The following CHRNG variants were observed in gnomAD, a reference collection of about 807,000 sequenced individuals.
The protein encoded by CHRNG is acetylcholine receptor subunit gamma.
Under a neutral mutation model 65.2 loss-of-function variants are expected in CHRNG, and 72 were observed. That is an observed-to-expected ratio of 1.10 (90% confidence interval 0.91 to 1.34). The LOEUF (loss-of-function observed/expected upper bound fraction) is 1.34. Among genes scored for constraint, CHRNG ranks in the 40% most tolerant of loss-of-function variants. CHRNG has a pLI of 0.00. For missense variants in CHRNG, 637 were observed against 680.1 expected, an observed-to-expected ratio of 0.94 and a Z score of 0.70; for synonymous variants, 284 against 290.2, an observed-to-expected ratio of 0.98 and a Z score of 0.22.
intron 8 of CHRNG, 51 bp downstream of exon 8, chr2:232,543,440 A>G (rs533182883): frequency 7.1e-6 from 10 of 1,402,634 alleles, no homozygotes; most frequent in Non-Finnish European, 8.1e-6. Context: ...CCTTCTTGGG[A>G]GCATGATGGC....
rs1029560657 is a variant in CHRNG at position 232,542,539 on chromosome 2, C to T, written c.604+19C>T. ...TTCACAGGTAACCCCCACCCAAGGGCTCCCCAGGCAGCCTCATCCAGGGCT... is the reference window on the plus strand; with the variant it reads ...TTCACAGGTAACCCCCACCCAAGGGTTCCCCAGGCAGCCTCATCCAGGGCT... On this transcript the variant is annotated intron_variant, in intron 6 of 11. Transcript: ENST00000651502. 6 of 1,565,642 alleles carry T rather than the reference C, an allele frequency of 3.8e-6. No homozygotes were observed. In the African/African-American group the frequency reaches 5.4e-5, roughly 14 times the overall value.
At chr2:232,545,027 T>C in intron 11 of CHRNG, 125 bp downstream of exon 11, 1 of 1,225,566 alleles carries the variant, frequency 8.2e-7, no homozygotes, top group Non-Finnish European at 1.2e-6. Flanking sequence ...CCGGGTGCAG[T>C]GGGTCACACC....
Position 232,544,542 on chromosome 2 carries a change from A to G in CHRNG, c.1211A>G (p.Gln404Arg). The stretch of plus-strand genomic sequence containing the variant: ...AGTGAACTCCTCTTCCAGCAGTGGC[A>G]GCGGCAAGGGCTGGTGGCGGCAGCG... Reference protein sequence around the residue: ...PRSELLFQQWQRQGLVAAALE... With the variant: ...PRSELLFQQWRRQGLVAAALE... Residue 404 changes from glutamine (Q) to arginine (R), a missense_variant, in exon 10 of 12, where the codon CAG (glutamine) becomes CGG (arginine). Transcript: ENST00000651502. The G allele has an allele frequency of 5.6e-6, 9 of 1,613,760 alleles. No individual in the cohort carries two copies. The highest frequency in any genetic ancestry group is 6.8e-6 in the Non-Finnish European group (8 of 1,179,952).
In CHRNG at chr2:232,544,496, G is replaced by A. The variant is rs889638118; in HGVS notation, c.1165G>A (p.Val389Met). ...ATGGTCGATCACAACTGGGGAGGAG[G>A]TGGCCCTCTGCCTGCCTCGCAGTGA... ...SGWSITTGEEVALCLPRSELL... is the reference protein window; with the variant it reads ...SGWSITTGEEMALCLPRSELL... Residue 389 changes from valine to methionine, a missense_variant, in exon 10 of 12, where the codon GTG (valine) becomes ATG (methionine). Coordinates refer to ENST00000651502, the MANE Select transcript of CHRNG (RefSeq NM_005199.5). 6.2e-7 allele frequency: 1 copy of A among 1,613,854 alleles called. No homozygotes were observed. Among genetic ancestry groups the A allele is most frequent in the Non-Finnish European group, 8.5e-7 (1 of 1,179,994 alleles).
Position 232,545,725 on chromosome 2 carries a change from A to G in CHRNG, c.*9A>G. The G allele has an allele frequency of 6.2e-7, 1 of 1,613,790 alleles. No individual in the cohort carries two copies. ...TGCCCTCACCAGACTGAGCCAACCA[A>G]CCACTGTGGGGCATGTGGGAGTCAC... is the stretch of plus-strand genomic sequence containing the variant. On this transcript the variant is annotated 3_prime_UTR_variant, in exon 12 of 12. Coordinates refer to ENST00000651502, the MANE Select transcript of CHRNG (RefSeq NM_005199.5).
In CHRNG at chr2:232,544,931, G is replaced by A. The variant is rs773786989; in HGVS notation, c.1380+29G>A. 1.4e-5 allele frequency: 22 copies of A among 1,613,404 alleles called. No homozygotes were observed. In the East Asian group the frequency reaches 4.7e-4, roughly 34 times the overall value. ...AGCTGAGTCAGGGTGGGGTGGAGGT[G>A]GAGTGAGTACCTGGGCTTGGAACCG... On this transcript the variant is annotated intron_variant, in intron 11 of 11. Transcript: ENST00000651502.
In CHRNG at chr2:232,543,590, T is replaced by C. The variant is rs1485125032; in HGVS notation, c.926T>C (p.Leu309Pro). The change falls in exon 9 of 12, where the codon CTG becomes CCG. Residue 309 changes from leucine (L) to proline (P), a missense_variant. Transcript: ENST00000651502. ...SQAVPLISKYLTFLLVVTILI... is the reference protein window; with the variant it reads ...SQAVPLISKYPTFLLVVTILI... The stretch of plus-strand genomic sequence containing the variant: ...TGCCCACCCCACCCTGACAGGTACC[T>C]GACCTTCCTCCTGGTGGTGACCATC... 1.2e-6 allele frequency: 2 copies of C among 1,606,396 alleles called. No individual in the cohort carries two copies. The highest frequency in any genetic ancestry group is 3.3e-5 in the Admixed American group (2 of 59,956).
intron 9 of CHRNG, 123 bp downstream of exon 9, chr2:232,543,822 C>T (rs888243129): frequency 2.0e-5 from 14 of 711,874 alleles, no homozygotes; most frequent in South Asian, 1.3e-4. Flanking sequence ...CGTATCTGGA[C>T]GCATGGACCA....
Position 232,544,761 on chromosome 2 carries a change from C to G in CHRNG, c.1250-11C>G. 3.1e-6 allele frequency: 5 copies of G among 1,613,948 alleles called. No individual in the cohort carries two copies. The highest frequency in any genetic ancestry group is 4.2e-6 in the Non-Finnish European group (5 of 1,179,996). On this transcript the variant is annotated splice_polypyrimidine_tract_variant and intron_variant, in intron 10 of 11. Coordinates refer to ENST00000651502, the MANE Select transcript of CHRNG (RefSeq NM_005199.5). Reference sequence around the variant, plus strand: ...ATTCTACTCCCAAACCTTACCCTTTCTCTTTATCAGAGAAAGGCCCGGAGT... The same window carrying G: ...ATTCTACTCCCAAACCTTACCCTTTGTCTTTATCAGAGAAAGGCCCGGAGT...
rs755877866 is a variant in CHRNG, at chr2:232,540,160, C to G, written c.195+29C>G. 6.2e-7 allele frequency: 1 copy of G among 1,614,114 alleles called. No homozygotes were observed. Among genetic ancestry groups the G allele is most frequent in the South Asian group, 1.1e-5 (1 of 91,080 alleles). ...AGCCGCAGGACGGAGGAGGGGTCAGCGCACCACGCCCTGGGACCTGCTGGG... is the reference window on the plus strand; with the variant it reads ...AGCCGCAGGACGGAGGAGGGGTCAGGGCACCACGCCCTGGGACCTGCTGGG... On this transcript the variant is annotated intron_variant, in intron 2 of 11. Transcript: ENST00000651502. This position sits in a 1 kb window ranked among gnomAD's most constrained non-coding sequence, Gnocchi z 4.2.
rs1193017519 is a variant in CHRNG, at chr2:232,540,238, C to A, written c.195+107C>A. The A allele has an allele frequency of 6.2e-7, 1 of 1,603,594 alleles. No individual in the cohort carries two copies. Among genetic ancestry groups the A allele is most frequent in the Non-Finnish European group, 8.5e-7 (1 of 1,171,280 alleles). ...AGAGGTTGGAGGGCCCTAAATCGGA[C>A]AGGCTGGGGTCTGGAAAACCCCCAT... is the stretch of plus-strand genomic sequence containing the variant. On this transcript the variant is annotated intron_variant, in intron 2 of 11. Coordinates refer to ENST00000651502, the MANE Select transcript of CHRNG (RefSeq NM_005199.5). The surrounding 1 kb of genome is among the most constrained non-coding windows in gnomAD (Gnocchi z 4.2).
rs750873458 is a variant in CHRNG at position 232,542,939 on chromosome 2, C to T, written c.662C>T (p.Ala221Val). 3.3e-5 allele frequency: 54 copies of T among 1,614,022 alleles called. No individual in the cohort carries two copies. Among genetic ancestry groups the T allele is most frequent in the South Asian group, 7.7e-5 (7 of 91,082 alleles). Residue 221 changes from alanine to valine, a missense_variant, in exon 7 of 12, where the codon GCG becomes GTG. Physicochemically the swap from Ala to Val is moderately conservative, Grantham distance 64. Coordinates refer to ENST00000651502, the MANE Select transcript of CHRNG (RefSeq NM_005199.5). ...GCCAAGATGCTCCTGGACCCAGCGGCGCCAGCCCAGGAAGCAGGCCACCAG... is the reference window on the plus strand; with the variant it reads ...GCCAAGATGCTCCTGGACCCAGCGGTGCCAGCCCAGGAAGCAGGCCACCAG... ...RPAKMLLDPA[A>V]PAQEAGHQKV...
chr2:232,540,420 G>A lies in CHRNG; in HGVS notation c.235G>A (p.Glu79Lys). Residue 79 changes from glutamate to lysine, a missense_variant, in exon 3 of 12, where the codon GAG becomes AAG. Glu to Lys is a moderately conservative substitution (Grantham distance 56). Transcript: ENST00000651502. The surrounding 1 kb of genome is among the most constrained non-coding windows in gnomAD (Gnocchi z 4.2). ...AGCCCTCACCACCAATGTCTGGATA[G>A]AGATGGTAAGAGGCCACCCTGCCAC... The part of the protein sequence containing the change: ...EEALTTNVWI[E>K]MQWCDYRLRW... 3 of 1,613,994 alleles carry A rather than the reference G, an allele frequency of 1.9e-6. No homozygotes were observed. The highest frequency in any genetic ancestry group is 1.6e-4 in the Middle Eastern group (1 of 6,062).
intron 7 of CHRNG, 59 bp from the exon 8 acceptor site, chr2:232,543,216 G>T: frequency 6.5e-7 from 1 of 1,537,360 alleles, no homozygotes; most frequent in Non-Finnish European, 9.0e-7. Flanking sequence ...GGGGTAAGGG[G>T]TTCCTCTGTG....
In CHRNG at chr2:232,543,284, A is replaced by G; in HGVS notation, c.815A>G (p.Gln272Arg). 1.9e-6 allele frequency: 3 copies of G among 1,613,928 alleles called. No homozygotes were observed. Among genetic ancestry groups the G allele is most frequent in the South Asian group, 1.1e-5 (1 of 91,070 alleles). ...IHFLPAKAGG[Q>R]KCTVAINVLL... ...TCTCGGTCATGGATAGCTGGGGGCC[A>G]GAAGTGTACCGTCGCCATCAACGTG... Residue 272 changes from glutamine to arginine, a missense_variant, in exon 8 of 12, where the codon CAG becomes CGG. By Grantham distance (43) the Gln-to-Arg change is conservative (BLOSUM62 1). Coordinates refer to ENST00000651502, the MANE Select transcript of CHRNG (RefSeq NM_005199.5).
At position 232,543,480 on chromosome 2, in the gene CHRNG, A is replaced by ACAC; in HGVS notation, c.920+92_920+93insACC. ...TGCATTGCCCTCTTGCCCTCCATCCACCCCCCCCATCCTCAATTCAGGAGG... is the reference window on the plus strand; with the variant it reads ...TGCATTGCCCTCTTGCCCTCCATCCACACCCCCCCCCATCCTCAATTCAGGAGG... On this transcript the variant is annotated intron_variant, in intron 8 of 11. Coordinates refer to ENST00000651502, the MANE Select transcript of CHRNG (RefSeq NM_005199.5). 3 of 1,110,086 alleles carry ACAC rather than the reference A, an allele frequency of 2.7e-6. 1 individual carries two copies. In the South Asian group the frequency reaches 3.9e-5, roughly 15 times the overall value. 68.8% of individuals were successfully genotyped at this position (1,110,086 alleles called of 1,614,324 possible). A position where few individuals can be genotyped will look rare whatever the true frequency, so the allele number is the denominator to read the frequency against.
chr2:232,540,039 C>A lies in CHRNG; in HGVS notation c.103C>A (p.Gln35Lys), dbSNP rs773574226. ...QEERLLADLM[Q>K]NYDPNLRPAE... The stretch of plus-strand genomic sequence containing the variant: ...GGAGCGCCTGCTCGCAGACCTGATG[C>A]AAAACTACGACCCCAACCTGCGGCC... Residue 35 changes from glutamine (Q) to lysine (K), a missense_variant, in exon 2 of 12, where the codon CAA becomes AAA. By Grantham distance (53) the Gln-to-Lys change is moderately conservative. Transcript: ENST00000651502. The surrounding 1 kb of genome is among the most constrained non-coding windows in gnomAD (Gnocchi z 4.2). The A allele has an allele frequency of 1.2e-6, 2 of 1,614,210 alleles. No homozygotes were observed. The highest frequency in any genetic ancestry group is 1.7e-6 in the Non-Finnish European group (2 of 1,180,022).
Position 232,547,498 on chromosome 2 carries a change from G to A in CHRNG, c.*1782G>A, listed in dbSNP as rs1692153518. Among the ~76,000 whole-genome samples the A allele has an allele frequency of 6.6e-6, 1 of 152,214 alleles. No individual in the cohort carries two copies. Among genetic ancestry groups the A allele is most frequent in the Non-Finnish European group, 1.5e-5 (1 of 68,034 alleles). ...GGCCTGACGACAGGATATGCTGGCA[G>A]GAGGGGACCTTGGAAATATGCCCTC... is the stretch of plus-strand genomic sequence containing the variant. On this transcript the variant is annotated 3_prime_UTR_variant, in exon 12 of 12. Transcript: ENST00000651502.
rs1691984250 is a variant in CHRNG, at chr2:232,540,093, G to A, written c.157G>A (p.Val53Ile). ...PAERDSDVVN[V>I]SLKLTLTNLI... The stretch of plus-strand genomic sequence containing the variant: ...GGAACGAGACTCGGATGTGGTCAAT[G>A]TCAGCCTGAAGCTAACCCTCACCAA... The change falls in exon 2 of 12, where the codon GTC becomes ATC. Residue 53 changes from valine to isoleucine, a missense_variant. Val to Ile is a conservative substitution (Grantham distance 29, BLOSUM62 3). Transcript: ENST00000651502. The surrounding 1 kb of genome is among the most constrained non-coding windows in gnomAD (Gnocchi z 4.2). The A allele has an allele frequency of 1.2e-6, 2 of 1,614,214 alleles. No individual in the cohort carries two copies. The highest frequency in any genetic ancestry group is 8.5e-7 in the Non-Finnish European group (1 of 1,180,026).
Sources: allele counts gnomAD v4.1 joint callset (sites outside exome capture counted in the v4.1 genomes callset), GRCh38; gene constraint gnomAD v4.1.1; non-coding constraint Gnocchi (gnomAD v3.1); transcripts MANE v1.5; gene names NCBI Gene and HGNC (gene_info 2026-07-23, HGNC 2026-07-21).